Variants in MYO16 observed in about 807,000 individuals in gnomAD.
The protein encoded by MYO16 is myosin XVI, also known as unconventional myosin-XVI.
MYO16 carries 94 observed loss-of-function variants against 205.3 expected under a neutral mutation model. That is an observed-to-expected ratio of 0.46 (90% CI 0.39 to 0.54). The LOEUF (loss-of-function observed/expected upper bound fraction) is 0.54. Ranked by LOEUF, MYO16 falls within the 20% of genes least tolerant of loss-of-function variation. The pLI is 0.00. For missense variants in MYO16, 2,315 were observed against 2,387.5 expected, an observed-to-expected ratio of 0.97 and a Z score of 0.63; for synonymous variants, 988 against 954.0, an observed-to-expected ratio of 1.04 and a Z score of -0.66.
chr13:108,602,133 A>G (rs1878789323), intron 1 of MYO16, among the ~76,000 whole-genome samples: 1 of 150,140 alleles, frequency 6.7e-6, no homozygotes, highest in Non-Finnish European at 1.5e-5. Context: ...CAGCCCAGGA[A>G]GAATTCCATC....
At chr13:108,829,752 G>A (rs1566356176) in intron 9 of MYO16, among the ~76,000 whole-genome samples, 1 of 152,140 alleles carries the variant, frequency 6.6e-6, no homozygotes, top group African/African-American at 2.4e-5. Context: ...ACCCCATGGG[G>A]ATTTTTGAAT....
intron 23 of MYO16, among the ~76,000 whole-genome samples, chr13:109,026,628 A>G (rs1478739772): frequency 2.0e-5 from 3 of 152,182 alleles, no homozygotes; most frequent in Non-Finnish European, 4.4e-5. Context: ...TTATCAGATA[A>G]CATTGTAGAA....
chr13:109,146,751 G>A (rs1360515300), intron 32 of MYO16, among the ~76,000 whole-genome samples: 1 of 151,760 alleles, frequency 6.6e-6, no homozygotes, highest in Non-Finnish European at 1.5e-5. Context: ...GGCCGTGGTT[G>A]CTCCACTACA....
chr13:109,155,031 T>C (rs1267203264), intron 32 of MYO16, among the ~76,000 whole-genome samples: 1 of 151,886 alleles, frequency 6.6e-6, no homozygotes, highest in African/African-American at 2.4e-5. Context: ...ATTCAGTTAG[T>C]TAAATTTAAA....
chr13:108,786,885 G>A (rs1391305968), intron 5 of MYO16, among the ~76,000 whole-genome samples: 1 of 152,162 alleles, frequency 6.6e-6, no homozygotes, highest in Non-Finnish European at 1.5e-5. Context: ...CTGTGGGAAC[G>A]CTCACTCACT....
At chr13:108,925,235 A>G (rs1024989864) in intron 16 of MYO16, among the ~76,000 whole-genome samples, 6 of 152,168 alleles carry the variant, frequency 3.9e-5, no homozygotes, top group African/African-American at 1.4e-4. Context: ...TTTTAAAACA[A>G]TGAAGTCATT....
intron 9 of MYO16, among the ~76,000 whole-genome samples, chr13:108,842,918 A>G (rs1877320333): frequency 6.6e-6 from 1 of 152,176 alleles, no homozygotes; most frequent in African/African-American, 2.4e-5. Context: ...TTATTCAGCT[A>G]CCAAAAAATA....
At chr13:108,819,663 ATATAT>A (rs1875856175) in intron 7 of MYO16, among the ~76,000 whole-genome samples, 3 of 152,088 alleles carry the variant, frequency 2.0e-5, no homozygotes, top group Admixed American at 6.6e-5. Context: ...TATATGTGTG[ATATAT>A]TATAATAATT....
chr13:108,589,602 T>C, the MYO16 span, among the ~76,000 whole-genome samples: 2 of 152,178 alleles, frequency 1.3e-5, no homozygotes, highest in African/African-American at 2.4e-5. Flanking sequence ...TGCCCCAATA[T>C]TACTTATTTT....
At chr13:108,574,275 G>A in the MYO16 span, among the ~76,000 whole-genome samples, 21 of 152,214 alleles carry the variant, frequency 1.4e-4, no homozygotes, top group Non-Finnish European at 1.9e-4. Flanking sequence ...TAGTTCTAGG[G>A]GAAAGTCAGG....
chr13:108,698,862 G>A (rs1393002298), intron 2 of MYO16, among the ~76,000 whole-genome samples: 1 of 152,016 alleles, frequency 6.6e-6, no homozygotes, highest in Non-Finnish European at 1.5e-5. Context: ...TATTTATATG[G>A]TACCTTATTT....
At chr13:108,964,963 A>C in intron 20 of MYO16, 61 bp downstream of exon 20, 48 of 1,550,894 alleles carry the variant, frequency 3.1e-5, no homozygotes, top group Non-Finnish European at 4.0e-5. Flanking sequence ...TTAAAGGCTC[A>C]ACTCCAAAAG....
chr13:108,620,791 A>T (rs891093575), intron 1 of MYO16, among the ~76,000 whole-genome samples: 2 of 152,046 alleles, frequency 1.3e-5, no homozygotes, highest in Non-Finnish European at 2.9e-5. Context: ...TCCCAAACAC[A>T]CTATCCTCTT....
intron 7 of MYO16, among the ~76,000 whole-genome samples, chr13:108,816,250 G>T (rs1875594497): frequency 6.6e-6 from 1 of 152,002 alleles, no homozygotes. Context: ...GTACTTAAAA[G>T]AAAATAAATA....
chr13:108,820,848 G>A (rs560380046), intron 8 of MYO16, among the ~76,000 whole-genome samples: 1 of 152,022 alleles, frequency 6.6e-6, no homozygotes, highest in African/African-American at 2.4e-5. Context: ...AAAATACAGA[G>A]GCTGACATTC....
chr13:108,648,053 A>G (rs12877921), intron 1 of MYO16, among the ~76,000 whole-genome samples: 1 of 152,234 alleles, frequency 6.6e-6, no homozygotes, highest in Admixed American at 6.5e-5. Flanking sequence ...AAGGAAGAAT[A>G]CTGATTAAAG....
chr13:109,171,616 C>T (rs996783527), intron 33 of MYO16, among the ~76,000 whole-genome samples: 2 of 151,952 alleles, frequency 1.3e-5, no homozygotes, highest in African/African-American at 2.4e-5. Context: ...TTAATTATTC[C>T]CTGGACTTGT....
At chr13:108,598,252 C>T (rs529959418) in intron 1 of MYO16, among the ~76,000 whole-genome samples, 1 of 152,286 alleles carries the variant, frequency 6.6e-6, no homozygotes, top group Admixed American at 6.5e-5. Flanking sequence ...AAGTCGCTGA[C>T]ACTCTAGTGG....
chr13:109,020,786 TCA>T (rs1256539571), intron 23 of MYO16, among the ~76,000 whole-genome samples: 2 of 152,182 alleles, frequency 1.3e-5, no homozygotes, highest in African/African-American at 4.8e-5. Flanking sequence ...GTAAAATCTC[TCA>T]CCGCTGTCTT....
Sources: allele counts gnomAD v4.1 joint callset (sites outside exome capture counted in the v4.1 genomes callset), GRCh38; gene constraint gnomAD v4.1.1; transcripts MANE v1.5; gene names NCBI Gene and HGNC (gene_info 2026-07-23, HGNC 2026-07-21).